The following ANKRD13C variants were observed in gnomAD, a reference collection of about 807,000 sequenced individuals.
ANKRD13C encodes the protein ankyrin repeat domain 13C, also known as ankyrin repeat domain-containing protein 13C.
In ANKRD13C, 16 loss-of-function variants were observed where a neutral mutation model predicts 65.5. That is an observed-to-expected ratio of 0.24 (90% CI 0.17 to 0.37). ANKRD13C has a LOEUF of 0.37. Ranked by LOEUF, ANKRD13C falls within the 10% of genes least tolerant of loss-of-function variation. The probability of loss-of-function intolerance (pLI) is 1.00; values close to 1 mark genes in which losing one functional copy is unlikely to be tolerated. For synonymous variants in ANKRD13C, 235 were observed against 238.7 expected (o/e 0.98, Z 0.14); for missense variants, 503 against 655.9 (o/e 0.77, Z 2.55).
intron 9 of ANKRD13C, among the ~76,000 whole-genome samples, chr1:70,281,552 G>A (rs994328988): frequency 1.3e-5 from 2 of 151,484 alleles, no homozygotes; most frequent in African/African-American, 4.8e-5. Context: ...ACAGATGCAT[G>A]CCACCATGTT....
intron 1 of ANKRD13C, among the ~76,000 whole-genome samples, chr1:70,339,428 C>T (rs1188117263): frequency 6.7e-6 from 1 of 150,222 alleles, no homozygotes; most frequent in Non-Finnish European, 1.5e-5. Context: ...AAGCAATTCT[C>T]GTGCCTCAGC....
At chr1:70,308,454 A>T (rs1284574868) in intron 5 of ANKRD13C, among the ~76,000 whole-genome samples, 1 of 151,954 alleles carries the variant, frequency 6.6e-6, no homozygotes, top group Non-Finnish European at 1.5e-5. Flanking sequence ...AAAAAAGAAA[A>T]GGGCAAGGCG....
At chr1:70,339,201 C>A (rs1250894997) in intron 1 of ANKRD13C, among the ~76,000 whole-genome samples, 1 of 147,182 alleles carries the variant, frequency 6.8e-6, no homozygotes, top group Non-Finnish European at 1.5e-5. Context: ...CAAAATGAGA[C>A]CCTATCTCAA....
intron 5 of ANKRD13C, among the ~76,000 whole-genome samples, chr1:70,308,063 A>AT (rs1229022663): frequency 6.6e-6 from 1 of 152,252 alleles, no homozygotes; most frequent in African/African-American, 2.4e-5. Flanking sequence ...ATTAATTGAG[A>AT]TCCATCCTGA....
rs142970743 is a variant in ANKRD13C at position 70,338,404 on chromosome 1, T to TTGTG, written c.431-2309_431-2306dup. Among the ~76,000 whole-genome samples the TTGTG allele has an allele frequency of 9.7e-3, 1,476 of 151,800 alleles. 18 individuals carry two copies. Among genetic ancestry groups the TTGTG allele is most frequent in the Non-Finnish European group, 0.015 (985 of 67,914 alleles). On this transcript the variant is annotated intron_variant, in intron 1 of 12. Transcript: ENST00000370944. ...AAATGAAAATGTTTAAGAACAATTT[T>TTGTG]TGTGTGTGTGTGTGTGAGACAGAGT...
intron 2 of ANKRD13C, among the ~76,000 whole-genome samples, chr1:70,329,960 C>T (rs1572149659): frequency 1.3e-5 from 2 of 151,644 alleles, no homozygotes; most frequent in Admixed American, 1.3e-4. Flanking sequence ...GGTGGTGGCA[C>T]ACACCTGCAA....
intron 6 of ANKRD13C, among the ~76,000 whole-genome samples, chr1:70,303,367 T>A (rs529100912): frequency 6.6e-6 from 1 of 152,174 alleles, no homozygotes; most frequent in African/African-American, 2.4e-5. Context: ...AAGTTCTTTA[T>A]ACAAATGCAA....
At chr1:70,273,236 C>T (rs1678973340) in intron 11 of ANKRD13C, among the ~76,000 whole-genome samples, 2 of 152,008 alleles carry the variant, frequency 1.3e-5, no homozygotes, top group Non-Finnish European at 1.5e-5. Context: ...AATATATGCA[C>T]CCTGCTCTCT....
At position 70,302,748 on chromosome 1, in the gene ANKRD13C, A is replaced by G. The variant is rs1386196567; in HGVS notation, c.777-1840T>C. Among the ~76,000 whole-genome samples the G allele has an allele frequency of 6.1e-4, 67 of 109,416 alleles. 3 individuals are homozygous for G. The highest frequency in any genetic ancestry group is 1.1e-3 in the Non-Finnish European group (60 of 55,416). 71.8% of individuals were successfully genotyped at this position (109,416 alleles called of 152,430 possible). ...CTCAAAAAAAAAAAAAAAAAAAAAA[A>G]AAAAAAAGAAAATAGTATTAAAAGG... On this transcript the variant is annotated intron_variant, in intron 6 of 12. Coordinates refer to ENST00000370944, the MANE Select transcript of ANKRD13C (RefSeq NM_030816.5).
chr1:70,268,174 C>T (rs1678715811), intron 12 of ANKRD13C, among the ~76,000 whole-genome samples: 1 of 151,822 alleles, frequency 6.6e-6, no homozygotes, highest in South Asian at 2.1e-4. Flanking sequence ...GCTAGCTTCC[C>T]CGCCCCCACC....
intron 10 of ANKRD13C, among the ~76,000 whole-genome samples, chr1:70,275,685 G>A (rs1181763829): frequency 6.6e-6 from 1 of 152,060 alleles, no homozygotes; most frequent in African/African-American, 2.4e-5. Context: ...ATTAAGGTCA[G>A]GCGCAGTGGC....
intron 8 of ANKRD13C, among the ~76,000 whole-genome samples, chr1:70,295,922 A>G (rs1302869629): frequency 6.6e-6 from 1 of 152,196 alleles, no homozygotes; most frequent in Non-Finnish European, 1.5e-5. Flanking sequence ...ACAGAATTCA[A>G]ATGAGCTCAG....
chr1:70,288,446 G>T (rs1200681793), intron 9 of ANKRD13C, among the ~76,000 whole-genome samples: 1 of 152,172 alleles, frequency 6.6e-6, no homozygotes, highest in African/African-American at 2.4e-5. Context: ...ATATGTGAAT[G>T]TTTTTTGCAG....
intron 6 of ANKRD13C, among the ~76,000 whole-genome samples, chr1:70,304,937 TTATAATTA>T (rs1680524298): frequency 6.6e-6 from 1 of 152,132 alleles, no homozygotes; most frequent in South Asian, 2.1e-4. Context: ...ATGAGCACTT[TTATAATTA>T]GAAACACCTG....
At chr1:70,322,722 G>A (rs987741094) in intron 3 of ANKRD13C, among the ~76,000 whole-genome samples, 1 of 152,178 alleles carries the variant, frequency 6.6e-6, no homozygotes, top group African/African-American at 2.4e-5. Flanking sequence ...GCCGGGCGCA[G>A]TGGCTCACAC....
At chr1:70,267,787 T>C (rs1442344742) in intron 12 of ANKRD13C, among the ~76,000 whole-genome samples, 2 of 152,182 alleles carry the variant, frequency 1.3e-5, no homozygotes, top group Non-Finnish European at 2.9e-5. Flanking sequence ...TTACAGCTTC[T>C]ATAGTGGCTG....
intron 9 of ANKRD13C, among the ~76,000 whole-genome samples, chr1:70,289,627 C>T (rs1348526058): frequency 4.0e-5 from 6 of 151,442 alleles, no homozygotes; most frequent in African/African-American, 9.7e-5. Flanking sequence ...CCACCACGCC[C>T]GGCTAATTTT....
chr1:70,298,434 C>T (rs1157038633), intron 7 of ANKRD13C, among the ~76,000 whole-genome samples: 2 of 152,106 alleles, frequency 1.3e-5, no homozygotes, highest in African/African-American at 4.8e-5. Flanking sequence ...AGGAATACTG[C>T]TCAAAATTTA....
rs146029983 is a variant in ANKRD13C, at chr1:70,347,809, G to A, written c.430+6170C>T. Among the ~76,000 whole-genome samples the A allele has an allele frequency of 2.0e-3, 311 of 152,236 alleles. 3 individuals are homozygous for A. The highest frequency in any genetic ancestry group is 0.02 in the East Asian group (105 of 5,182). ...TCAACTAAATCAACCCTGATCAATG[G>A]AGTAACATTTCACCACCAAATCACC... On this transcript the variant is annotated intron_variant, in intron 1 of 12. Coordinates refer to ENST00000370944, the MANE Select transcript of ANKRD13C (RefSeq NM_030816.5).
Sources: gnomAD v4.1 joint callset for allele counts (sites outside exome capture counted in the v4.1 genomes callset) on GRCh38, gnomAD v4.1.1 for gene constraint, MANE v1.5 for transcripts, NCBI Gene and HGNC (gene_info 2026-07-23, HGNC 2026-07-21) for gene names.